CFAP58: variants seen among roughly 807,000 people sequenced by gnomAD.
The protein encoded by CFAP58 is cilia- and flagella-associated protein 58.
In CFAP58, 88 loss-of-function variants were observed where a neutral mutation model predicts 119.5. That is an observed-to-expected ratio of 0.74 (90% CI 0.62 to 0.88). CFAP58 has a LOEUF of 0.88. CFAP58 is among the 40% of genes least tolerant of loss of function. The pLI is 0.00. For synonymous variants in CFAP58, 365 were observed against 366.3 expected, an observed-to-expected ratio of 1.00 and a Z score of 0.04; for missense variants, 990 against 1,021.2, an observed-to-expected ratio of 0.97 and a Z score of 0.42.
the CFAP58 span, among the ~76,000 whole-genome samples, chr10:104,341,035 C>T: frequency 1.3e-5 from 2 of 152,066 alleles, no homozygotes; most frequent in Non-Finnish European, 2.9e-5. Flanking sequence ...GTGTGAGCTC[C>T]CAATTTATAC....
chr10:104,419,082 G>A (rs113224981), intron 15 of CFAP58, among the ~76,000 whole-genome samples: 4,289 of 152,224 alleles, frequency 0.028, 227 homozygotes, highest in African/African-American at 0.099. Flanking sequence ...TGCTCCTGGG[G>A]CCTGTTTCTT....
At chr10:104,428,734 C>G (rs1272973956) in intron 15 of CFAP58, among the ~76,000 whole-genome samples, 1 of 152,170 alleles carries the variant, frequency 6.6e-6, no homozygotes, top group African/African-American at 2.4e-5. Context: ...TGTTGATTCA[C>G]ATGCACACAC....
intron 7 of CFAP58, 118 bp downstream of exon 7, chr10:104,371,172 A>C (rs2014818503): frequency 1.0e-5 from 10 of 981,578 alleles, no homozygotes; most frequent in Non-Finnish European, 1.5e-5. Context: ...TCAGTAAAAC[A>C]ACACTCACAC....
chr10:104,343,631 A>T, the CFAP58 span, among the ~76,000 whole-genome samples: 1 of 152,226 alleles, frequency 6.6e-6, no homozygotes, highest in South Asian at 2.1e-4. Flanking sequence ...TGTTTACTGA[A>T]TGTGATACAA....
In CFAP58 at chr10:104,450,489, G is replaced by C. The variant is rs547083267; in HGVS notation, c.2510+285G>C. Among the ~76,000 whole-genome samples, 38 of 152,232 alleles carry C rather than the reference G, an allele frequency of 2.5e-4. No individual in the cohort carries two copies. The South Asian group carries it at 5.4e-3, about 22-fold the overall frequency. On this transcript the variant is annotated intron_variant, in intron 17 of 17. Transcript: ENST00000369704. ...TAATATGACTTTTCTCCCCACACTA[G>C]TCTATGGTTTGGAGATAATAATGTC...
Position 104,362,184 on chromosome 10 carries a change from C to A in CFAP58, c.440+13C>A. 1 of 1,603,490 alleles carries A rather than the reference C, an allele frequency of 6.2e-7. No individual in the cohort carries two copies. Among genetic ancestry groups the A allele is most frequent in the Non-Finnish European group, 8.5e-7 (1 of 1,175,270 alleles). On this transcript the variant is annotated intron_variant, in intron 3 of 17. Transcript: ENST00000369704. ...ACCAGCATAGCAAGTAGGTCATAGC[C>A]TTGTTGATGTATGTTAAACTTGCTT... is the stretch of plus-strand genomic sequence containing the variant.
rs775275751 is a variant in CFAP58 at position 104,371,012 on chromosome 10, C to A, written c.1048C>A (p.His350Asn). Reference sequence around the variant, plus strand: ...AGATCAAAAGGCAGAAGTCGAACAGCACAAAGAAACCCTAAAAAATCAGAT... The same window carrying A: ...AGATCAAAAGGCAGAAGTCGAACAGAACAAAGAAACCCTAAAAAATCAGAT... The part of the protein sequence containing the change: ...TEDQKAEVEQ[H>N]KETLKNQIVG... Residue 350 changes from histidine (H) to asparagine (N), a missense_variant, in exon 7 of 18, where the codon CAC (histidine) becomes AAC (asparagine). Coordinates refer to ENST00000369704, the MANE Select transcript of CFAP58 (RefSeq NM_001008723.2). 1 of 1,612,052 alleles carries A rather than the reference C, an allele frequency of 6.2e-7. No homozygotes were observed. The highest frequency in any genetic ancestry group is 2.2e-5 in the East Asian group (1 of 44,800).
intron 15 of CFAP58, among the ~76,000 whole-genome samples, chr10:104,408,474 A>C (rs1260751328): frequency 3.3e-5 from 5 of 152,222 alleles, no homozygotes; most frequent in Non-Finnish European, 7.3e-5. Context: ...GATGCTGGCC[A>C]CAAGTCATTT....
At chr10:104,346,819 A>G in the CFAP58 span, among the ~76,000 whole-genome samples, 1 of 151,632 alleles carries the variant, frequency 6.6e-6, no homozygotes, top group Non-Finnish European at 1.5e-5. Context: ...TATTTGTAGT[A>G]GAGACAGGAT....
chr10:104,385,446 T>C (rs2011903730), intron 9 of CFAP58, among the ~76,000 whole-genome samples: 1 of 150,750 alleles, frequency 6.6e-6, no homozygotes, highest in African/African-American at 2.4e-5. Flanking sequence ...GTATAAAAAC[T>C]AAAAAAGAAA....
chr10:104,357,912 CACAT>C (rs1408047660), intron 1 of CFAP58, among the ~76,000 whole-genome samples: 2,118 of 113,524 alleles, frequency 0.019, 43 homozygotes, highest in Middle Eastern at 0.028. Context: ...CACATATACA[CACAT>C]ATATGTACAC....
upstream of CFAP58, among the ~76,000 whole-genome samples, chr10:104,349,868 G>C (rs925943418): frequency 6.6e-6 from 1 of 152,228 alleles, no homozygotes; most frequent in African/African-American, 2.4e-5. Flanking sequence ...GAGAAAGAGA[G>C]AGAGTCAAGT....
intron 1 of CFAP58, among the ~76,000 whole-genome samples, chr10:104,354,950 A>G (rs901039455): frequency 6.7e-6 from 1 of 148,590 alleles, no homozygotes; most frequent in Non-Finnish European, 1.5e-5. Flanking sequence ...CACCATTCAC[A>G]TCCCCTCATC....
At chr10:104,383,753 A>AACACACACACACACACACACACACAC (rs59181888) in intron 9 of CFAP58, among the ~76,000 whole-genome samples, 1 of 145,850 alleles carries the variant, frequency 6.9e-6, no homozygotes, top group African/African-American at 2.6e-5. Flanking sequence ...TTTACTGTCC[A>AACACACACACACACACACACACACAC]ACACACACAC....
intron 9 of CFAP58, among the ~76,000 whole-genome samples, chr10:104,391,936 C>T (rs569414487): frequency 2.0e-5 from 3 of 151,866 alleles, no homozygotes; most frequent in South Asian, 2.1e-4. Flanking sequence ...GTAGGGTGGT[C>T]GGGAGAGGTT....
chr10:104,438,341 G>GTTTTTTTTTTTTT (rs1325921091), intron 15 of CFAP58, among the ~76,000 whole-genome samples: 3 of 101,288 alleles, frequency 3.0e-5, no homozygotes, highest in African/African-American at 9.1e-5. Context: ...TTTGTTTTTT[G>GTTTTTTTTTTTTT]TTTTTTGTTT....
chr10:104,401,331 C>T (rs557986788), intron 13 of CFAP58, among the ~76,000 whole-genome samples: 54 of 152,126 alleles, frequency 3.5e-4, no homozygotes, highest in Non-Finnish European at 7.1e-4. Flanking sequence ...GAATTATATA[C>T]AGGAAGAAAA....
At chr10:104,382,992 G>T (rs2011848724) in intron 9 of CFAP58, among the ~76,000 whole-genome samples, 1 of 152,158 alleles carries the variant, frequency 6.6e-6, no homozygotes, top group African/African-American at 2.4e-5. Context: ...AGCTGCCCAG[G>T]TCCCACCTGG....
chr10:104,425,830 A>T (rs2012735191), intron 15 of CFAP58, among the ~76,000 whole-genome samples: 1 of 152,222 alleles, frequency 6.6e-6, no homozygotes, highest in Non-Finnish European at 1.5e-5. Flanking sequence ...CCAGAGACTG[A>T]GGCTAAAGGA....
Sources: allele counts gnomAD v4.1 joint callset (sites outside exome capture counted in the v4.1 genomes callset), GRCh38; gene constraint gnomAD v4.1.1; transcripts MANE v1.5; gene names NCBI Gene and HGNC (gene_info 2026-07-23, HGNC 2026-07-21).